The following BANK1 variants were observed in gnomAD, a reference collection of about 807,000 sequenced individuals.
The protein encoded by BANK1 is B-cell scaffold protein with ankyrin repeats.
BANK1 carries 95 observed loss-of-function variants against 94.5 expected under a neutral mutation model. The observed-to-expected ratio is 1.00, with a 90% CI of 0.85 to 1.19. The LOEUF (loss-of-function observed/expected upper bound fraction) is 1.19. Among genes scored for constraint, BANK1 ranks in the 50% most tolerant of loss-of-function variants. The probability of loss-of-function intolerance (pLI) is 0.00; values close to 1 mark genes in which losing one functional copy is unlikely to be tolerated. For synonymous variants in BANK1, 334 were observed against 308.4 expected, an observed-to-expected ratio of 1.08 and a Z score of -0.87; for missense variants, 987 against 932.2, an observed-to-expected ratio of 1.06 and a Z score of -0.77.
intron 5 of BANK1, among the ~76,000 whole-genome samples, chr4:101,885,155 G>A (rs962299375): frequency 1.2e-4 from 18 of 152,212 alleles, no homozygotes; most frequent in African/African-American, 3.1e-4. Flanking sequence ...GACCTCAGGT[G>A]ATCCACCGAC....
At chr4:102,034,285 A>G (rs1727423007) in intron 10 of BANK1, among the ~76,000 whole-genome samples, 1 of 152,210 alleles carries the variant, frequency 6.6e-6, no homozygotes, top group Non-Finnish European at 1.5e-5. Context: ...GTAATGGCAA[A>G]GGAACTAGGC....
rs764143837 is a variant in BANK1 at position 101,830,175 on chromosome 4, C to T, written c.438C>T (p.Tyr146=). 14 of 1,576,578 alleles carry T rather than the reference C, an allele frequency of 8.9e-6. No homozygotes were observed. Among genetic ancestry groups the T allele is most frequent in the African/African-American group, 1.4e-5 (1 of 72,936 alleles). ...CAACTGAACAGGAACCTGAAGACTA[C>T]ATCTCTGTAATCCAGAGTATCATAT... ...EISTEQEPED[Y]ISVIQSIIFK... The change falls in exon 2 of 17, where the codon TAC becomes TAT. Residue 146 remains tyrosine (Y), a synonymous_variant. Transcript: ENST00000322953.
At position 101,915,694 on chromosome 4, in the gene BANK1, C is replaced by T. The variant is rs140991646; in HGVS notation, c.1010-2299C>T. On this transcript the variant is annotated intron_variant, in intron 6 of 16. Coordinates refer to ENST00000322953, the MANE Select transcript of BANK1 (RefSeq NM_017935.5). ...GTATCTACTTGTGAATTTTCCACTACGATATTTTATGTAATATGAGAGGTA... is the reference window on the plus strand; with the variant it reads ...GTATCTACTTGTGAATTTTCCACTATGATATTTTATGTAATATGAGAGGTA... Among the ~76,000 whole-genome samples, 830 of 152,108 alleles carry T rather than the reference C, an allele frequency of 5.5e-3. 8 individuals are homozygous for T. The highest frequency in any genetic ancestry group is 0.02 in the Admixed American group (301 of 15,248).
intron 7 of BANK1, among the ~76,000 whole-genome samples, chr4:101,947,471 ATT>A (rs1723976213): frequency 6.6e-6 from 1 of 151,212 alleles, no homozygotes; most frequent in African/African-American, 2.4e-5. Flanking sequence ...ACATCATTTA[ATT>A]GAATTTATTA....
At chr4:101,952,947 G>A (rs1341538889) in intron 7 of BANK1, among the ~76,000 whole-genome samples, 1 of 152,004 alleles carries the variant, frequency 6.6e-6, no homozygotes, top group Non-Finnish European at 1.5e-5. Context: ...AATAACCAAC[G>A]GAAAATAACA....
At chr4:101,851,608 A>C (rs1322382559) in intron 2 of BANK1, among the ~76,000 whole-genome samples, 1 of 152,182 alleles carries the variant, frequency 6.6e-6, no homozygotes, top group African/African-American at 2.4e-5. Context: ...CTGTCAGTTA[A>C]TAGTTGTTGC....
At chr4:101,800,803 C>G (rs1725333074) in intron 1 of BANK1, among the ~76,000 whole-genome samples, 1 of 152,100 alleles carries the variant, frequency 6.6e-6, no homozygotes, top group South Asian at 2.1e-4. Context: ...TGTCACCCAG[C>G]CTGGAGTGCA....
intron 5 of BANK1, among the ~76,000 whole-genome samples, 198 bp downstream of exon 5, chr4:101,870,842 A>G (rs1728259736): frequency 6.6e-6 from 1 of 152,012 alleles, no homozygotes; most frequent in Admixed American, 6.6e-5. Flanking sequence ...AAAAAAACAG[A>G]TAATGTCAAT....
intron 6 of BANK1, among the ~76,000 whole-genome samples, chr4:101,907,414 A>T (rs1722491640): frequency 1.3e-5 from 2 of 152,344 alleles, no homozygotes; most frequent in East Asian, 3.9e-4. Context: ...TCAAAATAAT[A>T]AGAGCTATTT....
intron 7 of BANK1, among the ~76,000 whole-genome samples, chr4:101,954,012 T>C (rs577155465): frequency 6.6e-6 from 1 of 152,196 alleles, no homozygotes; most frequent in South Asian, 2.1e-4. Flanking sequence ...AGTTTGTTCT[T>C]TCTGGAGACC....
At position 101,891,371 on chromosome 4, in the gene BANK1, C is replaced by T. The variant is rs115613399; in HGVS notation, c.904-3934C>T. On this transcript the variant is annotated intron_variant, in intron 5 of 16. Coordinates refer to ENST00000322953, the MANE Select transcript of BANK1 (RefSeq NM_017935.5). ...CTTCTAGCAATCTAATTGTTTTTAC[C>T]ATATAGATAAAGTTTTATTTATTTT... Among the ~76,000 whole-genome samples the T allele has an allele frequency of 3.7e-3, 566 of 152,040 alleles. 3 individuals carry two copies. The highest frequency in any genetic ancestry group is 6.6e-3 in the Non-Finnish European group (447 of 67,926).
intron 8 of BANK1, among the ~76,000 whole-genome samples, chr4:102,022,920 A>G (rs1315394380): frequency 1.3e-5 from 2 of 152,068 alleles, no homozygotes; most frequent in East Asian, 3.8e-4. Context: ...TTCTCCTTAT[A>G]TGCTCAATAG....
intron 10 of BANK1, among the ~76,000 whole-genome samples, chr4:102,033,765 G>A (rs182194801): frequency 6.6e-6 from 1 of 151,918 alleles, no homozygotes; most frequent in African/African-American, 2.4e-5. Context: ...ATTTTTTTTG[G>A]CAATTAAGTA....
chr4:101,944,947 A>G (rs1342987934), intron 7 of BANK1, among the ~76,000 whole-genome samples: 1 of 151,994 alleles, frequency 6.6e-6, no homozygotes, highest in Non-Finnish European at 1.5e-5. Flanking sequence ...GCGGAAAATA[A>G]AAGCATTTCA....
chr4:101,814,508 C>G (rs867792763), intron 1 of BANK1, among the ~76,000 whole-genome samples: 2 of 152,160 alleles, frequency 1.3e-5, no homozygotes, highest in South Asian at 4.1e-4. Flanking sequence ...GCTGGTGAAA[C>G]TAAAGTTATT....
Position 102,025,704 on chromosome 4 carries a change from T to C in BANK1, c.1594+195T>C, listed in dbSNP as rs375236486. ...TACCTACCTCTACCTTGTTCTTTTGTTTCTTATTTCCTTGCTTCCTTCCTT... is the reference window on the plus strand; with the variant it reads ...TACCTACCTCTACCTTGTTCTTTTGCTTCTTATTTCCTTGCTTCCTTCCTT... On this transcript the variant is annotated intron_variant, in intron 9 of 16. Coordinates refer to ENST00000322953, the MANE Select transcript of BANK1 (RefSeq NM_017935.5). Among the ~76,000 whole-genome samples the C allele has an allele frequency of 3.9e-5, 6 of 152,148 alleles. No homozygotes were observed. The South Asian group carries it at 8.3e-4, about 21-fold the overall frequency.
In BANK1 at chr4:102,025,164, T is replaced by A. The variant is rs374894872; in HGVS notation, c.1286-37T>A. ...AAATATGAAATGCCTTCAGATGGTGTGTTTAAATGAAATCATGCAATCTTC... is the reference window on the plus strand; with the variant it reads ...AAATATGAAATGCCTTCAGATGGTGAGTTTAAATGAAATCATGCAATCTTC... On this transcript the variant is annotated intron_variant, in intron 8 of 16. Coordinates refer to ENST00000322953, the MANE Select transcript of BANK1 (RefSeq NM_017935.5). 3.8e-6 allele frequency: 6 copies of A among 1,592,854 alleles called. 1 individual carries two copies. The African/African-American group carries it at 8.1e-5, about 21-fold the overall frequency.
intron 1 of BANK1, among the ~76,000 whole-genome samples, chr4:101,804,908 G>A (rs183912589): frequency 5.8e-4 from 88 of 152,218 alleles, no homozygotes; most frequent in Admixed American, 3.3e-4. Flanking sequence ...CCCCTGCATC[G>A]TTCAAGCATC....
At chr4:102,052,040 A>G (rs1299243997) in intron 11 of BANK1, among the ~76,000 whole-genome samples, 1 of 152,076 alleles carries the variant, frequency 6.6e-6, no homozygotes, top group African/African-American at 2.4e-5. Flanking sequence ...CCTGAACACA[A>G]GGAAAGAGCC....
Sources: gnomAD v4.1 joint callset for allele counts (sites outside exome capture counted in the v4.1 genomes callset) on GRCh38, gnomAD v4.1.1 for gene constraint, MANE v1.5 for transcripts, NCBI Gene and HGNC (gene_info 2026-07-23, HGNC 2026-07-21) for gene names.